The following AFG3L2 variants were observed in gnomAD, a reference collection of about 807,000 sequenced individuals.
AFG3L2 encodes the protein mitochondrial inner membrane m-AAA protease component AFG3L2.
AFG3L2 carries 54 observed loss-of-function variants against 94.5 expected under a neutral mutation model. That is an observed-to-expected ratio of 0.57 (90% confidence interval 0.46 to 0.72). AFG3L2 has a LOEUF of 0.72. AFG3L2 is among the 30% of genes least tolerant of loss of function. The probability of loss-of-function intolerance (pLI) is 0.00; values close to 1 mark genes in which losing one functional copy is unlikely to be tolerated. For synonymous variants in AFG3L2, 377 were observed against 365.5 expected, an observed-to-expected ratio of 1.03 and a Z score of -0.36; for missense variants, 754 against 994.9, an observed-to-expected ratio of 0.76 and a Z score of 3.26.
chr18:12,352,807 T>C (rs1261729875), intron 10 of AFG3L2, among the ~76,000 whole-genome samples, 198 bp downstream of exon 10: 1 of 152,082 alleles, frequency 6.6e-6, no homozygotes, highest in Non-Finnish European at 1.5e-5. Flanking sequence ...AGGACTCTCA[T>C]TTTGGGGACA....
intron 13 of AFG3L2, among the ~76,000 whole-genome samples, chr18:12,345,385 G>A (rs1908102743): frequency 6.6e-6 from 1 of 152,178 alleles, no homozygotes; most frequent in Admixed American, 6.5e-5. Context: ...ATCACACAGT[G>A]GCAAAAGTAG....
chr18:12,329,738 T>C lies in AFG3L2; in HGVS notation c.2221A>G (p.Met741Val). 1 of 1,614,226 alleles carries C rather than the reference T, an allele frequency of 6.2e-7. No homozygotes were observed. The change falls in exon 17 of 17, where the codon ATG (methionine) becomes GTG (valine). Residue 741 changes from methionine to valine, a missense_variant. Physicochemically the swap from Met to Val is conservative, Grantham distance 21. This residue lies in a region of AFG3L2 where 279 missense variants were observed against 378.6 expected (regional missense o/e 0.74). Transcript: ENST00000269143. ...LEKEVLDKND[M>V]VELLGPRPFA... Reference sequence around the variant, plus strand: ...GGTCTGGGGCCCAAAAGTTCAACCATATCATTCTTATCTAATACTTCTTTT... The same window carrying C: ...GGTCTGGGGCCCAAAAGTTCAACCACATCATTCTTATCTAATACTTCTTTT...
chr18:12,352,948 C>T, intron 10 of AFG3L2, 57 bp downstream of exon 10: 1 of 1,597,528 alleles, frequency 6.3e-7, no homozygotes, highest in East Asian at 2.2e-5. Flanking sequence ...AGTCAGACTC[C>T]ATCTCAAAAA....
chr18:12,360,286 C>T (rs1393721429), intron 6 of AFG3L2: 2 of 479,946 alleles, frequency 4.2e-6, no homozygotes, highest in Non-Finnish European at 7.3e-6. Context: ...CTCAGTGGCT[C>T]TAAAATTATA....
At position 12,337,224 on chromosome 18, in the gene AFG3L2, T is replaced by C. The variant is rs773985553; in HGVS notation, c.2175+117A>G. On this transcript the variant is annotated intron_variant, in intron 16 of 16. Coordinates refer to ENST00000269143, the MANE Select transcript of AFG3L2 (RefSeq NM_006796.3). The stretch of plus-strand genomic sequence containing the variant: ...CGAAACATCAGAACGAACGGACCCA[T>C]GGGTGAGCCAGAGAGAGGGAATTCT... 6 of 917,818 alleles carry C rather than the reference T, an allele frequency of 6.5e-6. No homozygotes were observed. The Admixed American group carries it at 8.7e-5, about 13-fold the overall frequency. The allele number at this position is 917,818 out of a possible 1,614,324, so 56.9% of individuals were successfully genotyped here.
At position 12,370,860 on chromosome 18, in the gene AFG3L2, C is replaced by T. The variant is rs1908963228; in HGVS notation, c.281G>A (p.Gly94Glu). The T allele has an allele frequency of 8.8e-6, 14 of 1,582,208 alleles. No homozygotes were observed. Among genetic ancestry groups the T allele is most frequent in the African/African-American group, 1.3e-5 (1 of 74,282 alleles). Residue 94 changes from glycine (G) to glutamate (E), a missense_variant, in exon 3 of 17, where the codon GGA (glycine) becomes GAA (glutamate). Coordinates refer to ENST00000269143, the MANE Select transcript of AFG3L2 (RefSeq NM_006796.3). ...TTGTCAAAAGGTACCTTTTTTCTCT[C>T]CCATAACTTCTTTAGGTTCACTAGC... is the stretch of plus-strand genomic sequence containing the variant. ...KKASEPKEVMGEKKESKPAAT... is the reference protein window; with the variant it reads ...KKASEPKEVMEEKKESKPAAT...
intron 16 of AFG3L2, among the ~76,000 whole-genome samples, chr18:12,335,407 G>A (rs1045236349): frequency 2.6e-5 from 4 of 152,044 alleles, no homozygotes; most frequent in African/African-American, 4.8e-5. Flanking sequence ...TCAAGAATGC[G>A]ACCACTCACC....
Position 12,370,837 on chromosome 18 carries a change from G to T in AFG3L2, c.292+12C>A. Reference sequence around the variant, plus strand: ...AAACACAAAATTCAAATATAATATTGTCAAAAGGTACCTTTTTTCTCTCCC... The same window carrying T: ...AAACACAAAATTCAAATATAATATTTTCAAAAGGTACCTTTTTTCTCTCCC... On this transcript the variant is annotated intron_variant, in intron 3 of 16. Coordinates refer to ENST00000269143, the MANE Select transcript of AFG3L2 (RefSeq NM_006796.3). 1 of 1,541,812 alleles carries T rather than the reference G, an allele frequency of 6.5e-7. No individual in the cohort carries two copies. Among genetic ancestry groups the T allele is most frequent in the Non-Finnish European group, 8.9e-7 (1 of 1,117,996 alleles).
chr18:12,362,191 G>C (rs1397324904), intron 6 of AFG3L2, among the ~76,000 whole-genome samples: 1 of 152,216 alleles, frequency 6.6e-6, no homozygotes, highest in Non-Finnish European at 1.5e-5. Flanking sequence ...TCACAGAGAA[G>C]GTAAGCCATC....
intron 8 of AFG3L2, 32 bp downstream of exon 8, chr18:12,358,638 T>C (rs2143191491): frequency 6.2e-7 from 1 of 1,602,524 alleles, no homozygotes; most frequent in East Asian, 2.2e-5. Flanking sequence ...TCAAGAAACA[T>C]TTCAAAAAGT....
intron 8 of AFG3L2, among the ~76,000 whole-genome samples, chr18:12,357,394 T>C (rs919645776): frequency 1.3e-5 from 2 of 152,218 alleles, no homozygotes; most frequent in Admixed American, 6.6e-5. Context: ...CTCTTATTTA[T>C]AGACATACTA....
intron 14 of AFG3L2, chr18:12,342,828 G>T (rs1181797390): frequency 6.6e-6 from 1 of 152,108 alleles, no homozygotes; most frequent in Non-Finnish European, 1.5e-5. Flanking sequence ...AAAGTTTGTG[G>T]TTCACTTTCC....
chr18:12,374,671 C>G (rs1328436038), intron 1 of AFG3L2, among the ~76,000 whole-genome samples: 1 of 152,184 alleles, frequency 6.6e-6, no homozygotes, highest in Non-Finnish European at 1.5e-5. Flanking sequence ...AAAAGGAAAG[C>G]CTTTGGGTAA....
Position 12,371,628 on chromosome 18 carries a change from C to T in AFG3L2, c.178G>A (p.Ala60Thr). The change falls in exon 2 of 17, where the codon GCT becomes ACT. Residue 60 changes from alanine to threonine, a missense_variant. Ala to Thr is a moderately conservative substitution (Grantham distance 58). Coordinates refer to ENST00000269143, the MANE Select transcript of AFG3L2 (RefSeq NM_006796.3). Reference protein sequence around the residue: ...SRNSLLTDIIAAYQRFCSRPP... With the variant: ...SRNSLLTDIITAYQRFCSRPP... The stretch of plus-strand genomic sequence containing the variant: ...CGAGAACAGAATCTTTGATAAGCAG[C>T]AATTATATCTGTCAAAAGAGAATTT... 6.2e-7 allele frequency: 1 copy of T among 1,614,076 alleles called. No individual in the cohort carries two copies. The highest frequency in any genetic ancestry group is 8.5e-7 in the Non-Finnish European group (1 of 1,180,020).
chr18:12,366,869 C>A, intron 5 of AFG3L2, 96 bp downstream of exon 5: 2 of 1,501,324 alleles, frequency 1.3e-6, no homozygotes, highest in East Asian at 4.5e-5. Context: ...TTACAATGGA[C>A]GAGCCAGGTT....
intron 14 of AFG3L2, chr18:12,343,858 T>A: frequency 1.9e-6 from 1 of 519,928 alleles, no homozygotes; most frequent in East Asian, 3.5e-5. Flanking sequence ...GGCTCCCAGT[T>A]CAAACCCACT....
intron 6 of AFG3L2, among the ~76,000 whole-genome samples, chr18:12,362,586 T>G (rs556385568): frequency 1.3e-5 from 2 of 152,262 alleles, no homozygotes; most frequent in East Asian, 3.9e-4. Flanking sequence ...TTTCAACACA[T>G]AAATGCTTGT....
At chr18:12,337,680 T>A in intron 15 of AFG3L2, 145 bp from the exon 16 acceptor site, 1 of 738,474 alleles carries the variant, frequency 1.4e-6, no homozygotes, top group Non-Finnish European at 2.4e-6. Context: ...TGCTTTAAAC[T>A]CATGACTAGA....
intron 3 of AFG3L2, among the ~76,000 whole-genome samples, chr18:12,369,960 CAGG>C (rs1908927655): frequency 6.9e-6 from 1 of 144,998 alleles, no homozygotes; most frequent in South Asian, 2.2e-4. Flanking sequence ...GAGGCTGAGG[CAGG>C]AGAATGGTGC....
Sources: gnomAD v4.1 joint callset for allele counts (sites outside exome capture counted in the v4.1 genomes callset) on GRCh38, gnomAD v4.1.1 for gene constraint, gnomAD v4.1.1 regional missense constraint, MANE v1.5 for transcripts, NCBI Gene and HGNC (gene_info 2026-07-23, HGNC 2026-07-21) for gene names.